Variants in MAP4K4 observed in about 807,000 individuals in gnomAD.
MAP4K4 encodes the protein mitogen-activated protein kinase kinase kinase kinase 4, also known as HPK/GCK-like kinase HGK.
A neutral mutation model predicts 189.6 loss-of-function variants in MAP4K4; 38 were observed. The ratio of observed to expected loss-of-function variants is 0.20; its 90% CI spans 0.15 to 0.26. The LOEUF is 0.26. Among genes scored for constraint, MAP4K4 ranks in the 10% least tolerant of loss-of-function variants. The pLI, the probability that MAP4K4 is intolerant of heterozygous loss-of-function variation, is 1.00. For synonymous variants in MAP4K4, 610 were observed against 624.3 expected (o/e 0.98, Z 0.34); for missense variants, 1,054 against 1,726.9 (o/e 0.61, Z 6.91).
At chr2:101,751,976 C>A (rs2069296892) in intron 2 of MAP4K4, among the ~76,000 whole-genome samples, 1 of 152,110 alleles carries the variant, frequency 6.6e-6, no homozygotes, top group Admixed American at 6.5e-5. Flanking sequence ...CAATGTTTTA[C>A]ATTTTGGTTT....
chr2:101,852,986 A>G (rs375891077), intron 12 of MAP4K4, among the ~76,000 whole-genome samples: 9 of 152,342 alleles, frequency 5.9e-5, no homozygotes, highest in East Asian at 5.8e-4. Context: ...CAAATGCTGT[A>G]TCTTTTTCAT....
intron 17 of MAP4K4, 64 bp downstream of exon 17, chr2:101,864,115 AT>A: frequency 1.1e-6 from 1 of 926,270 alleles, no homozygotes; most frequent in Non-Finnish European, 1.5e-6. Flanking sequence ...TTTAAAGATT[AT>A]TTATTTTAAT....
At chr2:101,706,632 A>G (rs1311851895) in intron 2 of MAP4K4, among the ~76,000 whole-genome samples, 1 of 152,172 alleles carries the variant, frequency 6.6e-6, no homozygotes, top group African/African-American at 2.4e-5. Flanking sequence ...TTATTGTTGC[A>G]AGATAACCTG....
intron 2 of MAP4K4, among the ~76,000 whole-genome samples, chr2:101,762,899 C>T (rs934103147): frequency 1.3e-5 from 2 of 152,120 alleles, no homozygotes; most frequent in Non-Finnish European, 2.9e-5. Flanking sequence ...CTGTTTTGGG[C>T]TGGTGGGGGC....
At chr2:101,851,806 T>C (rs753904444) in intron 12 of MAP4K4, among the ~76,000 whole-genome samples, 1 of 146,120 alleles carries the variant, frequency 6.8e-6, no homozygotes, top group Non-Finnish European at 1.5e-5. Context: ...AGGACTTGCT[T>C]AGTGGGATAG....
chr2:101,704,113 G>C (rs559622373), intron 2 of MAP4K4, among the ~76,000 whole-genome samples: 8 of 152,222 alleles, frequency 5.3e-5, no homozygotes, highest in African/African-American at 1.9e-4. Context: ...AGCATCTCTC[G>C]TTCTTAATTG....
At chr2:101,784,358 G>T (rs1440388718) in intron 2 of MAP4K4, among the ~76,000 whole-genome samples, 1 of 151,852 alleles carries the variant, frequency 6.6e-6, no homozygotes. Context: ...AGATTGCTGT[G>T]TTTTATCTCC....
intron 9 of MAP4K4, among the ~76,000 whole-genome samples, chr2:101,836,481 G>A (rs551209247): frequency 1.7e-4 from 26 of 149,882 alleles, no homozygotes; most frequent in African/African-American, 5.8e-4. Flanking sequence ...CCAGCTACTC[G>A]GGAGGCTGAG....
chr2:101,801,881 T>C (rs951012395), intron 3 of MAP4K4, among the ~76,000 whole-genome samples: 4 of 152,218 alleles, frequency 2.6e-5, no homozygotes, highest in African/African-American at 9.7e-5. Flanking sequence ...CTTTTCTCAG[T>C]TGGTGGCAAC....
chr2:101,725,407 C>CAA (rs201929026), intron 2 of MAP4K4, among the ~76,000 whole-genome samples: 2 of 140,938 alleles, frequency 1.4e-5, no homozygotes, highest in Non-Finnish European at 3.1e-5. Context: ...AAAACAAAAA[C>CAA]AAAAAAAAAC....
chr2:101,871,673 C>T (rs1220775248), exon 24 of MAP4K4: 11 of 1,536,460 alleles, frequency 7.2e-6, no homozygotes, highest in Admixed American at 2.0e-5. Flanking sequence ...AGGACAAGCT[C>T]ACTGCTAATG....
chr2:101,820,183 A>C (rs1324544422), intron 3 of MAP4K4, among the ~76,000 whole-genome samples: 1 of 152,222 alleles, frequency 6.6e-6, no homozygotes, highest in African/African-American at 2.4e-5. Context: ...ATAATTCTTA[A>C]TTATTGCTCA....
intron 2 of MAP4K4, among the ~76,000 whole-genome samples, chr2:101,749,240 C>T (rs2067261357): frequency 1.3e-5 from 2 of 151,594 alleles, no homozygotes; most frequent in Non-Finnish European, 3.0e-5. Flanking sequence ...GGAGGCATCA[C>T]GCTACCTGAC....
chr2:101,868,690 G>A (rs1178911424), intron 21 of MAP4K4, among the ~76,000 whole-genome samples: 1 of 152,238 alleles, frequency 6.6e-6, no homozygotes, highest in East Asian at 1.9e-4. Flanking sequence ...GACGCCCACA[G>A]CCTCCTGCCC....
At chr2:101,870,199 A>G (rs1264857634) in intron 22 of MAP4K4, 96 bp from the exon 23 acceptor site, 11 of 1,282,042 alleles carry the variant, frequency 8.6e-6, no homozygotes, top group South Asian at 1.4e-5. Flanking sequence ...CGGTAGCCTC[A>G]TCTCATGTTT....
At chr2:101,871,496 T>C (rs1174822372) in exon 24 of MAP4K4, 3 of 1,533,692 alleles carry the variant, frequency 2.0e-6, no homozygotes, top group Admixed American at 3.9e-5. Flanking sequence ...TTCTACAGAG[T>C]ACAGTTGACC....
chr2:101,737,471 T>A (rs1262937289), intron 2 of MAP4K4, among the ~76,000 whole-genome samples: 31 of 124,398 alleles, frequency 2.5e-4, no homozygotes, highest in Non-Finnish European at 3.0e-4. Context: ...ATTTTTTTTT[T>A]TTTTTTTTTT....
intron 2 of MAP4K4, among the ~76,000 whole-genome samples, chr2:101,776,326 C>T (rs1490371916): frequency 2.0e-5 from 3 of 151,964 alleles, no homozygotes; most frequent in Admixed American, 6.6e-5. Context: ...AATATCGGGC[C>T]CGGGCTTTTC....
At chr2:101,759,712 C>CA (rs1176461956) in intron 2 of MAP4K4, among the ~76,000 whole-genome samples, 48 of 20,768 alleles carry the variant, frequency 2.3e-3, no homozygotes, top group South Asian at 2.8e-3. Context: ...CATTCCTCTC[C>CA]CCTCCCCTTT....
Sources: gnomAD v4.1 joint callset for allele counts (sites outside exome capture counted in the v4.1 genomes callset) on GRCh38, gnomAD v4.1.1 for gene constraint, MANE v1.5 for transcripts, NCBI Gene and HGNC (gene_info 2026-07-23, HGNC 2026-07-21) for gene names.